Variants in SLC29A3 observed in about 807,000 individuals in gnomAD.
SLC29A3 encodes solute carrier family 29 member 3, also known as equilibrative nucleoside transporter 3.
In SLC29A3, 18 loss-of-function variants were observed where a neutral mutation model predicts 25.4. The observed-to-expected ratio is 0.71, with a 90% CI of 0.49 to 1.05. The LOEUF (loss-of-function observed/expected upper bound fraction) is 1.05. Among genes scored for constraint, SLC29A3 ranks in the 50% least tolerant of loss-of-function variants. SLC29A3 has a pLI of 0.00. For synonymous variants in SLC29A3, 258 were observed against 267.1 expected, an observed-to-expected ratio of 0.97 and a Z score of 0.33; for missense variants, 586 against 609.0, an observed-to-expected ratio of 0.96 and a Z score of 0.40.
intron 3 of SLC29A3, among the ~76,000 whole-genome samples, chr10:71,345,713 G>A (rs916167479): frequency 2.0e-5 from 3 of 152,188 alleles, no homozygotes; most frequent in Non-Finnish European, 4.4e-5. Context: ...CTAGCAGAGG[G>A]GGCACAGCCT....
intron 4 of SLC29A3, among the ~76,000 whole-genome samples, chr10:71,353,409 C>T (rs2131841174): frequency 6.6e-6 from 1 of 152,280 alleles, no homozygotes; most frequent in African/African-American, 2.4e-5. Flanking sequence ...GCTCTTATCC[C>T]CTTAGTTCCT....
At chr10:71,332,323 T>C (rs1846140067) in intron 2 of SLC29A3, among the ~76,000 whole-genome samples, 1 of 151,988 alleles carries the variant, frequency 6.6e-6, no homozygotes, top group African/African-American at 2.4e-5. Flanking sequence ...CTAATTTTTG[T>C]ATTTTTGGTA....
intron 4 of SLC29A3, among the ~76,000 whole-genome samples, chr10:71,354,231 A>G (rs1309572472): frequency 6.6e-6 from 1 of 152,196 alleles, no homozygotes; most frequent in Admixed American, 6.5e-5. Flanking sequence ...TCTTCATCAC[A>G]GCCCTACGAG....
At position 71,351,764 on chromosome 10, in the gene SLC29A3, A is replaced by C. The variant is rs771684605; in HGVS notation, c.586A>C (p.Arg196=). 1.9e-6 allele frequency: 3 copies of C among 1,613,202 alleles called. No individual in the cohort carries two copies. The South Asian group carries it at 3.3e-5, about 18-fold the overall frequency. ...IYGMTGSFPM[R]NSQALISGGA... is the part of the protein sequence containing the mutation. ...CGGCATGACCGGCTCCTTTCCTATGAGGAACTCCCAGGCACTGATATCAGG... is the reference window on the plus strand; with the variant it reads ...CGGCATGACCGGCTCCTTTCCTATGCGGAACTCCCAGGCACTGATATCAGG... Residue 196 remains arginine (R), a synonymous_variant, in exon 4 of 6, where the codon AGG becomes CGG. Transcript: ENST00000373189.
chr10:71,351,903 T>C (rs1380610561), intron 4 of SLC29A3, 115 bp downstream of exon 4: 3 of 925,452 alleles, frequency 3.2e-6, no homozygotes, highest in Non-Finnish European at 5.1e-6. Context: ...TGGGTGCTGA[T>C]TGTGTTTCAG....
At position 71,378,105 on chromosome 10, in the gene SLC29A3, G is replaced by T. The variant is rs1452254514; in HGVS notation, c.*212-1661G>T. On this transcript the variant is annotated intron_variant and NMD_transcript_variant, in intron 4 of 4. Coordinates refer to the SLC29A3 transcript ENST00000642772. ...AAGCTTAGACAATGTTGGGGGGGGG[G>T]GTCCTCTTTTGGAAAAAAGAATAAA... Among the ~76,000 whole-genome samples, 5 of 129,570 alleles carry T rather than the reference G, an allele frequency of 3.9e-5. No individual in the cohort carries two copies. The East Asian group carries it at 1.1e-3, about 28-fold the overall frequency. 85.0% of individuals were successfully genotyped at this position (129,570 alleles called of 152,430 possible).
chr10:71,343,512 T>G (rs1043882863), intron 2 of SLC29A3, among the ~76,000 whole-genome samples: 2 of 152,216 alleles, frequency 1.3e-5, no homozygotes, highest in Non-Finnish European at 2.9e-5. Context: ...TAGGAGCTAC[T>G]TCCCCAAATG....
In SLC29A3 at chr10:71,320,243, T is replaced by C. The variant is rs145250984; in HGVS notation, c.1+933T>C. 1.3e-3 allele frequency among the ~76,000 whole-genome samples: 205 copies of C among 152,298 alleles called. 1 individual carries two copies. Among genetic ancestry groups the C allele is most frequent in the African/African-American group, 4.5e-3 (189 of 41,580 alleles). On this transcript the variant is annotated intron_variant, in intron 1 of 5. Transcript: ENST00000373189. ...GCCGCCCCCACAGGTAGCTGGAGCCTCTGGAAAGAACCACTTGCCGGTTCT... is the reference window on the plus strand; with the variant it reads ...GCCGCCCCCACAGGTAGCTGGAGCCCCTGGAAAGAACCACTTGCCGGTTCT...
At chr10:71,342,351 TTC>T (rs1039576747) in intron 2 of SLC29A3, among the ~76,000 whole-genome samples, 1 of 152,224 alleles carries the variant, frequency 6.6e-6, no homozygotes, top group African/African-American at 2.4e-5. Context: ...CTCAAGTCTG[TTC>T]TCTGAGTTCT....
intron 5 of SLC29A3, among the ~76,000 whole-genome samples, chr10:71,356,485 T>C (rs1382895222): frequency 6.6e-6 from 1 of 152,196 alleles, no homozygotes; most frequent in East Asian, 1.9e-4. Context: ...CAACCCCTTA[T>C]TCCAGCGCTG....
intron 3 of SLC29A3, 48 bp from the exon 4 acceptor site, chr10:71,351,514 C>T (rs1164397624): frequency 5.1e-6 from 8 of 1,577,450 alleles, no homozygotes; most frequent in East Asian, 2.2e-5. Context: ...CCAGCCCACA[C>T]AGGAGCCCCG....
At chr10:71,355,698 T>C (rs1199025360) in intron 4 of SLC29A3, among the ~76,000 whole-genome samples, 1 of 152,168 alleles carries the variant, frequency 6.6e-6, no homozygotes, top group Non-Finnish European at 1.5e-5. Flanking sequence ...CAGAGGTCTC[T>C]GGCACTTCCT....
exon 5 of SLC29A3, chr10:71,380,949 C>T (rs144815321): frequency 3.3e-5 from 5 of 152,272 alleles, no homozygotes; most frequent in Admixed American, 3.3e-4. Flanking sequence ...AACAGTATCA[C>T]AGACTCCATA....
rs146423891 is a variant in SLC29A3, at chr10:71,322,822, G to A, written c.68G>A (p.Ser23Asn). The A allele has an allele frequency of 1.9e-4, 312 of 1,614,072 alleles. No homozygotes were observed. The highest frequency in any genetic ancestry group is 2.3e-4 in the Non-Finnish European group (268 of 1,180,054). ...TCCACCTACAGAACCACAAGCAGCA[G>A]TCTCCGAGCTGACCAGGAGGCACTG... ...SNSTYRTTSS[S>N]LRADQEALLE... is the part of the protein sequence containing the mutation. The change falls in exon 2 of 6, where the codon AGT becomes AAT. Residue 23 changes from serine (S) to asparagine (N), a missense_variant. Coordinates refer to ENST00000373189, the MANE Select transcript of SLC29A3 (RefSeq NM_018344.6).
At chr10:71,357,311 C>G (rs961371831) in intron 5 of SLC29A3, among the ~76,000 whole-genome samples, 1 of 151,836 alleles carries the variant, frequency 6.6e-6, no homozygotes, top group Admixed American at 6.6e-5. Context: ...GCTACTCGGG[C>G]GGCTGAGGCA....
intron 3 of SLC29A3, among the ~76,000 whole-genome samples, chr10:71,344,851 A>AAT (rs1589233043): frequency 6.6e-6 from 1 of 152,204 alleles, no homozygotes; most frequent in African/African-American, 2.4e-5. Context: ...TTACAAAGAC[A>AAT]ATAGCCCTAG....
chr10:71,363,468 T>G (rs1253860755), downstream of SLC29A3: 3 of 389,954 alleles, frequency 7.7e-6, no homozygotes, highest in East Asian at 7.2e-5. Flanking sequence ...TTTTTAAAAT[T>G]TATTATTATT....
At chr10:71,377,232 G>A (rs1468748166) in intron 4 of SLC29A3, among the ~76,000 whole-genome samples, 1 of 152,186 alleles carries the variant, frequency 6.6e-6, no homozygotes, top group Non-Finnish European at 1.5e-5. Flanking sequence ...GGATGCTCCC[G>A]GAAGATGCTC....
intron 3 of SLC29A3, among the ~76,000 whole-genome samples, chr10:71,347,745 G>A (rs1564535911): frequency 6.6e-6 from 1 of 152,190 alleles, no homozygotes. Context: ...CAGAGGAGGG[G>A]ACAGAGCAGC....
Sources: gnomAD v4.1 joint callset for allele counts (sites outside exome capture counted in the v4.1 genomes callset) on GRCh38, gnomAD v4.1.1 for gene constraint, MANE v1.5 for transcripts, NCBI Gene and HGNC (gene_info 2026-07-23, HGNC 2026-07-21) for gene names.